The following ADGRL3 variants were observed in gnomAD, a reference collection of about 807,000 sequenced individuals.
ADGRL3 encodes adhesion G protein-coupled receptor L3.
ADGRL3 carries 62 observed loss-of-function variants against 153.5 expected under a neutral mutation model. The ratio of observed to expected loss-of-function variants is 0.40; its 90% CI spans 0.33 to 0.50. The LOEUF (loss-of-function observed/expected upper bound fraction) is 0.50, where lower values mean the gene tolerates loss of function less well. Ranked by LOEUF, ADGRL3 falls within the 20% of genes least tolerant of loss-of-function variation. ADGRL3 has a pLI of 0.47. For missense variants in ADGRL3, 1,641 were observed against 1,859.4 expected (o/e 0.88, Z 2.16); for synonymous variants, 710 against 672.5 (o/e 1.06, Z -0.86).
intron 23 of ADGRL3, among the ~76,000 whole-genome samples, chr4:62,035,563 C>T (rs1724528009): frequency 1.3e-5 from 2 of 152,070 alleles, no homozygotes. Context: ...GTAGAAATTA[C>T]TAAACTATCA....
intron 6 of ADGRL3, among the ~76,000 whole-genome samples, chr4:61,717,202 G>A (rs1322143631): frequency 3.1e-5 from 3 of 98,156 alleles, no homozygotes; most frequent in African/African-American, 1.6e-4. Flanking sequence ...GTTTATGTGT[G>A]TGTGTGTGTG....
At chr4:61,971,164 A>AT (rs1288508792) in intron 17 of ADGRL3, among the ~76,000 whole-genome samples, 3 of 151,108 alleles carry the variant, frequency 2.0e-5, no homozygotes, top group Non-Finnish European at 3.0e-5. Context: ...TTATTTATTT[A>AT]TTATTATTAT....
At chr4:61,569,833 G>A (rs1352954388) in intron 4 of ADGRL3, among the ~76,000 whole-genome samples, 2 of 152,028 alleles carry the variant, frequency 1.3e-5, no homozygotes, top group African/African-American at 2.4e-5. Flanking sequence ...TTTAAAATGT[G>A]CACTTATGTG....
intron 1 of ADGRL3, among the ~76,000 whole-genome samples, chr4:61,356,868 A>G (rs1460569714): frequency 6.6e-6 from 1 of 152,146 alleles, no homozygotes; most frequent in Non-Finnish European, 1.5e-5. Flanking sequence ...TGACACAACT[A>G]GTCAAAACAT....
intron 2 of ADGRL3, among the ~76,000 whole-genome samples, chr4:61,481,078 A>G (rs1011393682): frequency 1.3e-5 from 2 of 152,100 alleles, no homozygotes; most frequent in African/African-American, 2.4e-5. Flanking sequence ...GGTCATGAAC[A>G]CTCATTTATT....
At chr4:61,466,357 A>T (rs2097884350) in intron 2 of ADGRL3, among the ~76,000 whole-genome samples, 1 of 152,200 alleles carries the variant, frequency 6.6e-6, no homozygotes, top group African/African-American at 2.4e-5. Flanking sequence ...CTTTTGCTAT[A>T]TGAAAAGATA....
intron 11 of ADGRL3, among the ~76,000 whole-genome samples, chr4:61,902,895 T>A (rs544180762): frequency 8.2e-4 from 125 of 152,304 alleles, no homozygotes; most frequent in African/African-American, 2.9e-3. Context: ...AATAACTCTT[T>A]CCATGGCTAG....
intron 15 of ADGRL3, 60 bp downstream of exon 15, chr4:61,936,105 T>C (rs753956538): frequency 1.4e-4 from 228 of 1,581,452 alleles, no homozygotes; most frequent in Non-Finnish European, 1.9e-4. Flanking sequence ...TTCATTTCTT[T>C]TTGGCCGGGA....
chr4:61,505,659 A>T (rs917336343), intron 3 of ADGRL3, among the ~76,000 whole-genome samples: 2 of 151,994 alleles, frequency 1.3e-5, no homozygotes, highest in African/African-American at 2.4e-5. Flanking sequence ...ATAAATATTG[A>T]GTCTTTCATT....
rs2095984807 is a variant in ADGRL3 at position 61,711,467 on chromosome 4, T to TATATAC, written c.584-19150_584-19149insCATATA. 3.5e-5 allele frequency among the ~76,000 whole-genome samples: 3 copies of TATATAC among 85,888 alleles called. 1 individual carries two copies. The South Asian group carries it at 1.2e-3, about 36-fold the overall frequency. The allele number at this position is 85,888 out of a possible 152,430, so 56.3% of individuals were successfully genotyped here. ...TAAAACATATGCTTCATTATATATA[T>TATATAC]ATATATATATATATATATATATATA... On this transcript the variant is annotated intron_variant, in intron 6 of 26. Coordinates refer to ENST00000683033, the MANE Select transcript of ADGRL3 (RefSeq NM_001387552.1).
chr4:62,026,354 T>C (rs1466180915), intron 21 of ADGRL3, among the ~76,000 whole-genome samples: 1 of 151,992 alleles, frequency 6.6e-6, no homozygotes, highest in Admixed American at 6.6e-5. Context: ...AATCCTTTAA[T>C]TGACAACACC....
At chr4:61,623,337 G>A (rs2092645903) in intron 5 of ADGRL3, among the ~76,000 whole-genome samples, 1 of 151,990 alleles carries the variant, frequency 6.6e-6, no homozygotes, top group Non-Finnish European at 1.5e-5. Flanking sequence ...CCCAATCAGT[G>A]TGCTTTGGTT....
intron 12 of ADGRL3, among the ~76,000 whole-genome samples, chr4:61,910,867 G>A (rs1300231388): frequency 7.0e-6 from 1 of 143,216 alleles, no homozygotes; most frequent in African/African-American, 2.6e-5. Flanking sequence ...ACACAGAAAA[G>A]CCAGATATTT....
chr4:61,491,018 G>C (rs1462653791), intron 2 of ADGRL3, among the ~76,000 whole-genome samples: 1 of 152,100 alleles, frequency 6.6e-6, no homozygotes, highest in Admixed American at 6.5e-5. Flanking sequence ...TTTGCCCAAT[G>C]ATGATCATAC....
At chr4:61,259,951 CA>C (rs2092376839) in intron 1 of ADGRL3, among the ~76,000 whole-genome samples, 1 of 152,118 alleles carries the variant, frequency 6.6e-6, no homozygotes, top group South Asian at 2.1e-4. Flanking sequence ...TTGAATCTAA[CA>C]CTACTAGAGG....
At chr4:61,642,657 T>C in intron 5 of ADGRL3, among the ~76,000 whole-genome samples, 1 of 152,196 alleles carries the variant, frequency 6.6e-6, no homozygotes. Context: ...ATCTCTATTT[T>C]GGTACCAGTA....
At chr4:61,296,185 T>C (rs1560440837) in intron 1 of ADGRL3, among the ~76,000 whole-genome samples, 1 of 152,108 alleles carries the variant, frequency 6.6e-6, no homozygotes, top group East Asian at 1.9e-4. Flanking sequence ...CAAAGCTAAC[T>C]TAATAATACT....
intron 8 of ADGRL3, among the ~76,000 whole-genome samples, chr4:61,812,066 TTAAAAA>T (rs1196804950): frequency 6.6e-6 from 1 of 152,212 alleles, no homozygotes; most frequent in Non-Finnish European, 1.5e-5. Flanking sequence ...ACACAGGGCC[TTAAAAA>T]TAGAAATGTC....
chr4:61,236,246 G>A (rs1221951096), intron 1 of ADGRL3, among the ~76,000 whole-genome samples: 2 of 151,940 alleles, frequency 1.3e-5, no homozygotes, highest in Non-Finnish European at 2.9e-5. Flanking sequence ...CTGACCTCAG[G>A]TGATCTGCCC....
Sources: allele counts gnomAD v4.1 joint callset (sites outside exome capture counted in the v4.1 genomes callset), GRCh38; gene constraint gnomAD v4.1.1; transcripts MANE v1.5; gene names NCBI Gene and HGNC (gene_info 2026-07-23, HGNC 2026-07-21).